The following PCDH15 variants were observed in gnomAD, a reference collection of about 807,000 sequenced individuals.
PCDH15 encodes the protein protocadherin related 15, also known as protocadherin-15.
In PCDH15, 129 loss-of-function variants were observed where a neutral mutation model predicts 178.5. The ratio of observed to expected loss-of-function variants is 0.72; its 90% CI spans 0.63 to 0.84. The LOEUF (loss-of-function observed/expected upper bound fraction) is 0.84. Ranked by LOEUF, PCDH15 falls within the 40% of genes least tolerant of loss-of-function variation. The pLI, the probability that PCDH15 is intolerant of heterozygous loss-of-function variation, is 0.00. For synonymous variants in PCDH15, 800 were observed against 732.0 expected (o/e 1.09, Z -1.50); for missense variants, 2,230 against 2,099.9 (o/e 1.06, Z -1.21).
intron 1 of PCDH15, among the ~76,000 whole-genome samples, chr10:55,254,123 C>T (rs1841923117): frequency 6.6e-6 from 1 of 152,108 alleles, no homozygotes; most frequent in African/African-American, 2.4e-5. Flanking sequence ...CATATGATAG[C>T]AATTTATAAG....
At chr10:54,001,124 T>C (rs1425613203) in intron 20 of PCDH15, among the ~76,000 whole-genome samples, 2 of 152,100 alleles carry the variant, frequency 1.3e-5, no homozygotes, top group African/African-American at 2.4e-5. Flanking sequence ...AATAAAGACT[T>C]TCCCAGACAA....
At chr10:54,229,653 G>A (rs1404424567) in intron 9 of PCDH15, among the ~76,000 whole-genome samples, 1 of 152,130 alleles carries the variant, frequency 6.6e-6, no homozygotes, top group East Asian at 1.9e-4. Context: ...TCCTTCACAA[G>A]CTCTCTTTTC....
intron 2 of PCDH15, among the ~76,000 whole-genome samples, chr10:55,482,159 T>C (rs1840196335): frequency 1.3e-5 from 2 of 151,850 alleles, no homozygotes; most frequent in African/African-American, 4.8e-5. Flanking sequence ...TCTGCTTTTT[T>C]CTGTTTTCTA....
intron 1 of PCDH15, among the ~76,000 whole-genome samples, chr10:54,731,563 T>TATATATATATATATATACACAC: frequency 8.0e-5 from 4 of 49,914 alleles, no homozygotes; most frequent in African/African-American, 1.9e-4. Flanking sequence ...TATATATATA[T>TATATATATATATATATACACAC]ACACACACAC....
At chr10:54,845,142 T>A (rs1439112019) in intron 3 of PCDH15, among the ~76,000 whole-genome samples, 1 of 151,920 alleles carries the variant, frequency 6.6e-6, no homozygotes, top group African/African-American at 2.4e-5. Flanking sequence ...TTTTTCTTTT[T>A]TTTGCAATGT....
At chr10:53,868,808 A>G (rs1425120204) in intron 26 of PCDH15, among the ~76,000 whole-genome samples, 2 of 152,134 alleles carry the variant, frequency 1.3e-5, no homozygotes, top group Non-Finnish European at 2.9e-5. Flanking sequence ...CAGCTGTTTC[A>G]TGAATTTTCT....
intron 2 of PCDH15, among the ~76,000 whole-genome samples, chr10:55,092,037 A>G (rs1025442914): frequency 2.0e-5 from 3 of 151,916 alleles, no homozygotes; most frequent in Admixed American, 1.3e-4. Context: ...TTTCACAGAA[A>G]TCTATTCTAA....
intron 2 of PCDH15, among the ~76,000 whole-genome samples, chr10:55,049,477 A>G (rs1162955479): frequency 1.3e-5 from 2 of 150,972 alleles, no homozygotes; most frequent in African/African-American, 4.9e-5. Flanking sequence ...TGCATTCATG[A>G]AAAAAAAATA....
At chr10:54,047,786 T>C (rs1285126027) in intron 18 of PCDH15, among the ~76,000 whole-genome samples, 1 of 152,210 alleles carries the variant, frequency 6.6e-6, no homozygotes, top group Non-Finnish European at 1.5e-5. Context: ...ATGCTATATA[T>C]GTACCATATT....
At chr10:53,911,317 G>A (rs185830415) in intron 25 of PCDH15, among the ~76,000 whole-genome samples, 91 of 152,230 alleles carry the variant, frequency 6.0e-4, no homozygotes, top group South Asian at 1.0e-3. Context: ...ACTCAAAACC[G>A]CATAACTACA....
chr10:55,042,631 T>C (rs1445174083), intron 2 of PCDH15, among the ~76,000 whole-genome samples: 1 of 152,144 alleles, frequency 6.6e-6, no homozygotes, highest in African/African-American at 2.4e-5. Flanking sequence ...ATGGTTGTTG[T>C]TTTGACCCAA....
At chr10:54,858,720 G>C (rs572752473) in intron 3 of PCDH15, among the ~76,000 whole-genome samples, 1 of 151,482 alleles carries the variant, frequency 6.6e-6, no homozygotes, top group Non-Finnish European at 1.5e-5. Flanking sequence ...ATCCTACCTA[G>C]GTTTGTTTTA....
chr10:54,671,880 T>C (rs1314189083), intron 1 of PCDH15, among the ~76,000 whole-genome samples: 1 of 152,114 alleles, frequency 6.6e-6, no homozygotes, highest in Non-Finnish European at 1.5e-5. Context: ...CCATGGCCTG[T>C]TAGGAACCAG....
chr10:54,939,080 T>G (rs1038836081), intron 2 of PCDH15, among the ~76,000 whole-genome samples: 16 of 152,128 alleles, frequency 1.1e-4, no homozygotes, highest in African/African-American at 3.4e-4. Context: ...AGTCACTGAA[T>G]TTTTGGTATT....
At chr10:55,350,292 T>G (rs937123278) in intron 2 of PCDH15, among the ~76,000 whole-genome samples, 1 of 121,372 alleles carries the variant, frequency 8.2e-6, no homozygotes, top group Non-Finnish European at 1.8e-5. Flanking sequence ...CACACATACA[T>G]ACACACACAA....
chr10:54,060,586 T>C (rs2093993261), intron 18 of PCDH15, among the ~76,000 whole-genome samples: 1 of 152,240 alleles, frequency 6.6e-6, no homozygotes, highest in Non-Finnish European at 1.5e-5. Flanking sequence ...TGAATTCTAT[T>C]ATTATCTCCA....
intron 2 of PCDH15, among the ~76,000 whole-genome samples, chr10:55,574,905 A>G (rs780090149): frequency 1.3e-5 from 2 of 152,072 alleles, no homozygotes; most frequent in Non-Finnish European, 2.9e-5. Flanking sequence ...ATAGACTTTT[A>G]GTAACATCTC....
At chr10:55,515,363 C>G (rs970712746) in intron 2 of PCDH15, among the ~76,000 whole-genome samples, 2 of 151,944 alleles carry the variant, frequency 1.3e-5, no homozygotes, top group Non-Finnish European at 2.9e-5. Context: ...TGTATTTCAA[C>G]TATAAATCTT....
At position 55,039,864 on chromosome 10, in the gene PCDH15, C is replaced by T. The variant is rs540428817; in HGVS notation, c.-80+126712G>A. 3.3e-5 allele frequency among the ~76,000 whole-genome samples: 5 copies of T among 152,096 alleles called. No individual in the cohort carries two copies. In the South Asian group the frequency reaches 8.3e-4, roughly 25 times the overall value. Reference sequence around the variant, plus strand: ...TTGAACTAAATGACCAGACAAAAAGCACAGGACTCTGTTCATAACCCAATA... The same window carrying T: ...TTGAACTAAATGACCAGACAAAAAGTACAGGACTCTGTTCATAACCCAATA... On this transcript the variant is annotated intron_variant, in intron 2 of 5. Coordinates refer to the PCDH15 transcript ENST00000458638.
Sources: allele counts gnomAD v4.1 joint callset (sites outside exome capture counted in the v4.1 genomes callset), GRCh38; gene constraint gnomAD v4.1.1; transcripts MANE v1.5; gene names NCBI Gene and HGNC (gene_info 2026-07-23, HGNC 2026-07-21).